PLCG2: variants seen among roughly 807,000 people sequenced by gnomAD.
PLCG2 encodes the protein 1-phosphatidylinositol 4,5-bisphosphate phosphodiesterase gamma-2.
PLCG2 carries 69 observed loss-of-function variants against 175.6 expected under a neutral mutation model. The observed-to-expected ratio is 0.39, with a 90% confidence interval of 0.32 to 0.48. The LOEUF (loss-of-function observed/expected upper bound fraction) is 0.48. Ranked by LOEUF, PLCG2 falls within the 20% of genes least tolerant of loss-of-function variation. PLCG2 has a pLI of 0.91. For synonymous variants in PLCG2, 827 were observed against 624.0 expected, an observed-to-expected ratio of 1.33 and a Z score of -4.85; for missense variants, 1,798 against 1,650.9, an observed-to-expected ratio of 1.09 and a Z score of -1.54.
upstream of PLCG2, chr16:81,739,067 G>C (rs1218720723): frequency 6.6e-6 from 1 of 152,162 alleles, no homozygotes; most frequent in African/African-American, 2.4e-5. Flanking sequence ...GTGCTGTGCA[G>C]GAGGAAGCTG....
chr16:81,809,205 C>T (rs1452668253), intron 2 of PLCG2, among the ~76,000 whole-genome samples: 4 of 152,258 alleles, frequency 2.6e-5, no homozygotes, highest in East Asian at 3.9e-4. Context: ...CACCTCTGCA[C>T]ACCACAAGCC....
At position 81,931,673 on chromosome 16, in the gene PLCG2, G is replaced by A. The variant is rs776050949; in HGVS notation, c.2739+19G>A. On this transcript the variant is annotated intron_variant, in intron 25 of 32. Transcript: ENST00000564138. ...CACCAAGGTAGGCACCTGCTCACCC[G>A]GGTGCAGGTGGGCCTGGCATTCTGA... The A allele has an allele frequency of 4.2e-5, 68 of 1,609,004 alleles. No individual in the cohort carries two copies. Among genetic ancestry groups the A allele is most frequent in the Middle Eastern group, 3.3e-4 (2 of 5,980 alleles).
At chr16:81,863,328 A>G (rs752618554) in intron 5 of PLCG2, among the ~76,000 whole-genome samples, 3 of 152,234 alleles carry the variant, frequency 2.0e-5, no homozygotes, top group African/African-American at 7.2e-5. Context: ...GGCTTATTTC[A>G]CTTAGTGTAA....
upstream of PLCG2, among the ~76,000 whole-genome samples, chr16:81,774,781 C>G (rs1910364103): frequency 6.6e-6 from 1 of 151,740 alleles, no homozygotes; most frequent in Admixed American, 6.6e-5. Context: ...CTCTGTTGCC[C>G]AGGCTGGAAT....
At chr16:81,800,137 C>T (rs1053238904) in intron 2 of PLCG2, among the ~76,000 whole-genome samples, 4 of 152,144 alleles carry the variant, frequency 2.6e-5, no homozygotes, top group Non-Finnish European at 5.9e-5. Flanking sequence ...ATGTATCATA[C>T]TTTGGGTATC....
At chr16:81,880,777 C>A (rs1180724970) in intron 7 of PLCG2, 133 bp from the exon 8 acceptor site, 3 of 770,158 alleles carry the variant, frequency 3.9e-6, no homozygotes, top group Admixed American at 2.5e-5. Context: ...CAACTAACAT[C>A]AACTAAAATG....
rs577194478 is a variant in PLCG2 at position 81,945,709 on chromosome 16, T to G, written c.3482-466T>G. ...AGGAGGAGGAAGATCAATACTGCTATGAACTACTAAGGGACAGAAAGATTT... is the reference window on the plus strand; with the variant it reads ...AGGAGGAGGAAGATCAATACTGCTAGGAACTACTAAGGGACAGAAAGATTT... On this transcript the variant is annotated intron_variant, in intron 30 of 32. Coordinates refer to ENST00000564138, the MANE Select transcript of PLCG2 (RefSeq NM_002661.5). Among the ~76,000 whole-genome samples the G allele has an allele frequency of 4.1e-4, 63 of 152,296 alleles. 1 individual carries two copies. In the Middle Eastern group the frequency reaches 0.01, roughly 25 times the overall value.
At chr16:81,826,924 G>A (rs970076299) in intron 2 of PLCG2, among the ~76,000 whole-genome samples, 2 of 152,152 alleles carry the variant, frequency 1.3e-5, no homozygotes, top group African/African-American at 2.4e-5. Context: ...CTGGAGATCC[G>A]CAGAACCAGC....
chr16:81,844,800 A>C (rs1405190241), intron 2 of PLCG2, among the ~76,000 whole-genome samples: 1 of 152,288 alleles, frequency 6.6e-6, no homozygotes, highest in African/African-American at 2.4e-5. Flanking sequence ...ACACATGGCC[A>C]TGTATGTGTG....
At chr16:81,760,757 A>AAAAT (rs1555562067) in intron 2 of PLCG2, among the ~76,000 whole-genome samples, 87 of 146,408 alleles carry the variant, frequency 5.9e-4, no homozygotes, top group East Asian at 3.6e-3. Context: ...TTAAAAAAAA[A>AAAAT]AATAATAATA....
At chr16:81,887,269 G>A (rs548716180) in intron 9 of PLCG2, among the ~76,000 whole-genome samples, 13 of 152,108 alleles carry the variant, frequency 8.5e-5, no homozygotes, top group South Asian at 6.2e-4. Flanking sequence ...ACAGGCACCC[G>A]CCACCACGCC....
chr16:81,893,842 A>T (rs780965198), intron 12 of PLCG2, 48 bp downstream of exon 12: 6 of 1,192,694 alleles, frequency 5.0e-6, no homozygotes, highest in East Asian at 4.7e-5. Context: ...CAAATTGAGG[A>T]TAACCATGTG....
chr16:81,829,401 G>T (rs1046900360), intron 2 of PLCG2, among the ~76,000 whole-genome samples: 6 of 152,132 alleles, frequency 3.9e-5, no homozygotes, highest in Non-Finnish European at 7.3e-5. Flanking sequence ...GAGCCACCGT[G>T]CCTAGCCAGT....
chr16:81,832,485 G>C (rs1251760864), intron 2 of PLCG2, among the ~76,000 whole-genome samples: 2 of 152,202 alleles, frequency 1.3e-5, no homozygotes, highest in Admixed American at 6.5e-5. Flanking sequence ...TGTCTCCTGG[G>C]TTCAAGCTAT....
chr16:81,764,852 G>A (rs564084715), intron 2 of PLCG2, among the ~76,000 whole-genome samples: 2 of 152,276 alleles, frequency 1.3e-5, no homozygotes, highest in South Asian at 4.1e-4. Flanking sequence ...TACTTTGGGA[G>A]GCCTAAGTGG....
chr16:81,884,584 G>T (rs747842887), intron 9 of PLCG2, among the ~76,000 whole-genome samples: 1 of 143,658 alleles, frequency 7.0e-6, no homozygotes, highest in African/African-American at 2.7e-5. Context: ...GTGGGGATCA[G>T]AGTCAATTGT....
chr16:81,836,935 G>A (rs1597346413), intron 2 of PLCG2, among the ~76,000 whole-genome samples: 1 of 152,182 alleles, frequency 6.6e-6, no homozygotes, highest in South Asian at 2.1e-4. Flanking sequence ...CAGTGTTTCT[G>A]TGCATGTGGT....
chr16:81,856,445 G>A (rs915729771), intron 3 of PLCG2, among the ~76,000 whole-genome samples: 21 of 152,056 alleles, frequency 1.4e-4, no homozygotes, highest in African/African-American at 4.8e-4. Flanking sequence ...CCTCAATGCC[G>A]CTTATTAACA....
intron 2 of PLCG2, among the ~76,000 whole-genome samples, chr16:81,835,004 C>T (rs1905440170): frequency 6.6e-6 from 1 of 152,018 alleles, no homozygotes; most frequent in Non-Finnish European, 1.5e-5. Context: ...CCATTGCCCA[C>T]CTCCTGGTGT....
Sources: allele counts gnomAD v4.1 joint callset (sites outside exome capture counted in the v4.1 genomes callset), GRCh38; gene constraint gnomAD v4.1.1; transcripts MANE v1.5; gene names NCBI Gene and HGNC (gene_info 2026-07-23, HGNC 2026-07-21).